The following OBI1 variants were observed in gnomAD, a reference collection of about 807,000 sequenced individuals.
The protein encoded by OBI1 is ORC ubiquitin ligase 1, also known as ring finger protein 219.
Under a neutral mutation model 62.4 loss-of-function variants are expected in OBI1, and 59 were observed. The ratio of observed to expected loss-of-function variants is 0.95; its 90% CI spans 0.77 to 1.17. OBI1 has a LOEUF of 1.17. Ranked by LOEUF, OBI1 falls within the 50% of genes most tolerant of loss-of-function variation. OBI1 has a pLI of 0.00. For missense variants in OBI1, 875 were observed against 830.9 expected (o/e 1.05, Z -0.65); for synonymous variants, 302 against 292.8 (o/e 1.03, Z -0.32).
intron 1 of OBI1, among the ~76,000 whole-genome samples, chr13:78,658,771 G>C (rs1054183744): frequency 6.6e-6 from 1 of 152,328 alleles, no homozygotes; most frequent in Non-Finnish European, 1.5e-5. Flanking sequence ...TGTCTTGCCA[G>C]TGTGAGGCCG....
intron 4 of OBI1, among the ~76,000 whole-genome samples, chr13:78,638,170 T>C (rs1876084946): frequency 6.6e-6 from 1 of 152,160 alleles, no homozygotes; most frequent in Admixed American, 6.5e-5. Flanking sequence ...CTGTAACATC[T>C]AGTGCTGATG....
At chr13:78,626,841 C>A (rs532934194) in intron 5 of OBI1, among the ~76,000 whole-genome samples, 2 of 152,100 alleles carry the variant, frequency 1.3e-5, no homozygotes, top group Non-Finnish European at 2.9e-5. Context: ...CCAAGGCAGG[C>A]GGATCATGAG....
chr13:78,653,934 T>C (rs1876620121), intron 1 of OBI1, among the ~76,000 whole-genome samples: 1 of 151,980 alleles, frequency 6.6e-6, no homozygotes, highest in Admixed American at 6.6e-5. Context: ...CATTAGGAAT[T>C]TGGAAACTTT....
intron 1 of OBI1, 34 bp downstream of exon 1, chr13:78,659,015 C>A: frequency 6.3e-7 from 1 of 1,598,968 alleles, no homozygotes. Context: ...TTATCCAACC[C>A]CGTTTTGTAG....
chr13:78,622,202 GGGA>G (rs1304994424), intron 5 of OBI1, among the ~76,000 whole-genome samples: 1 of 152,114 alleles, frequency 6.6e-6, no homozygotes, highest in African/African-American at 2.4e-5. Context: ...CCAATGCTTT[GGGA>G]GGTGAGGCAG....
intron 1 of OBI1, among the ~76,000 whole-genome samples, chr13:78,654,075 T>C (rs950538461): frequency 6.7e-5 from 10 of 148,220 alleles, no homozygotes; most frequent in South Asian, 4.4e-4. Flanking sequence ...ACTTAATGCC[T>C]ATAGAACTGG....
chr13:78,642,212 T>C lies in OBI1; in HGVS notation c.210A>G (p.Gly70=). ...TPENPCKEII[G]GTSESEPMLS... ...GCATAGGTTCACTTTCACTTGTTCC[T>C]CCTGTAGGGAAAAAAAAAAAAATCC... is the stretch of plus-strand genomic sequence containing the variant. Residue 70 remains glycine (G), a splice_region_variant and synonymous_variant, in exon 3 of 6, where the codon GGA becomes GGG. Coordinates refer to ENST00000282003, the MANE Select transcript of OBI1 (RefSeq NM_024546.4). The C allele has an allele frequency of 1.3e-6, 2 of 1,565,754 alleles. No homozygotes were observed. Among genetic ancestry groups the C allele is most frequent in the Non-Finnish European group, 8.7e-7 (1 of 1,147,610 alleles).
At chr13:78,654,296 C>A (rs1349872516) in intron 1 of OBI1, among the ~76,000 whole-genome samples, 1 of 152,120 alleles carries the variant, frequency 6.6e-6, no homozygotes, top group Non-Finnish European at 1.5e-5. Context: ...TATTGTTATA[C>A]TTTTCTGAAA....
chr13:78,657,690 A>G (rs1876753321), intron 1 of OBI1, among the ~76,000 whole-genome samples: 1 of 152,220 alleles, frequency 6.6e-6, no homozygotes, highest in African/African-American at 2.4e-5. Context: ...AACTATATAT[A>G]ATGTGTACAA....
chr13:78,635,142 C>A lies in OBI1; in HGVS notation c.606G>T (p.Leu202=). 1 of 1,610,918 alleles carries A rather than the reference C, an allele frequency of 6.2e-7. No homozygotes were observed. Among genetic ancestry groups the A allele is most frequent in the African/African-American group, 1.3e-5 (1 of 74,942 alleles). The stretch of plus-strand genomic sequence containing the variant: ...GTGATCTGTTATCAACTTCAGCCTT[C>A]AGTCGTAAATTCTCCCTCACCAGAC... The part of the protein sequence containing the change: ...NGGLVRENLR[L]KAEVDNRSPQ... The change falls in exon 5 of 6, where the codon CTG becomes CTT. Residue 202 remains leucine (L), a synonymous_variant. Transcript: ENST00000282003.
At chr13:78,620,954 A>G (rs1875491245) in intron 5 of OBI1, among the ~76,000 whole-genome samples, 1 of 152,224 alleles carries the variant, frequency 6.6e-6, no homozygotes, top group South Asian at 2.1e-4. Flanking sequence ...CAAAATGGGT[A>G]AATGCAGCAA....
At chr13:78,643,922 C>T (rs1876301942) in intron 2 of OBI1, among the ~76,000 whole-genome samples, 1 of 152,100 alleles carries the variant, frequency 6.6e-6, no homozygotes, top group African/African-American at 2.4e-5. Flanking sequence ...ATAGCAAAAA[C>T]AAGTAGAAAT....
chr13:78,620,911 C>T (rs77292317), intron 5 of OBI1, among the ~76,000 whole-genome samples: 2,048 of 152,342 alleles, frequency 0.013, 32 homozygotes, highest in African/African-American at 0.046. Flanking sequence ...GAGCAATTCA[C>T]TTTGCCTTTC....
At chr13:78,647,738 T>G (rs1217180481) in intron 1 of OBI1, among the ~76,000 whole-genome samples, 2 of 152,196 alleles carry the variant, frequency 1.3e-5, no homozygotes, top group Non-Finnish European at 2.9e-5. Flanking sequence ...CAGTCTCTCG[T>G]CCTACCTGAT....
Position 78,616,808 on chromosome 13 carries a change from C to T in OBI1, c.953G>A (p.Ser318Asn). ...TGCAGAACTGGTGTCACACAGTCTG[C>T]TGCTGGAAGGCTTCGCTAGGTGAGA... ...SSSHLAKPSS[S>N]RLCDTSSARQ... Residue 318 changes from serine to asparagine, a missense_variant, in exon 6 of 6, where the codon AGC becomes AAC. By Grantham distance (46) the Ser-to-Asn change is conservative. Transcript: ENST00000282003. The T allele has an allele frequency of 6.2e-7, 1 of 1,614,198 alleles. No homozygotes were observed. Among genetic ancestry groups the T allele is most frequent in the Non-Finnish European group, 8.5e-7 (1 of 1,180,030 alleles).
At chr13:78,627,309 T>TAAAA (rs60775623) in intron 5 of OBI1, among the ~76,000 whole-genome samples, 5 of 117,868 alleles carry the variant, frequency 4.2e-5, no homozygotes, top group Admixed American at 2.6e-4. Context: ...TTATTTATTC[T>TAAAA]AAAAAAAAAA....
chr13:78,616,998 C>A lies in OBI1; in HGVS notation c.763G>T (p.Ala255Ser). The change falls in exon 6 of 6, where the codon GCA becomes TCA. Residue 255 changes from alanine (A) to serine (S), a missense_variant. Ala to Ser is a moderately conservative substitution (Grantham distance 99). Transcript: ENST00000282003. ...TCTTCACTTGAATTTTTTAGCTGTG[C>A]AACTTGAGATTCTAGTTCCTCTATA... ...KYIEELESQV[A>S]QLKNSSEEKE... 1 of 1,614,158 alleles carries A rather than the reference C, an allele frequency of 6.2e-7. No homozygotes were observed. The highest frequency in any genetic ancestry group is 8.5e-7 in the Non-Finnish European group (1 of 1,180,014).
In OBI1 at chr13:78,616,578, G is replaced by T; in HGVS notation, c.1183C>A (p.Leu395Ile). The change falls in exon 6 of 6, where the codon CTT (leucine) becomes ATT (isoleucine). Residue 395 changes from leucine to isoleucine, a missense_variant. Physicochemically the swap from Leu to Ile is conservative, Grantham distance 5. Transcript: ENST00000282003. ...DLPAPCTPLS[L>I]SCLQLSTPEN... ...GGAGTACTGAGCTGAAGGCAACTAAGGGACAAAGGAGTACAAGGAGCTGGA... is the reference window on the plus strand; with the variant it reads ...GGAGTACTGAGCTGAAGGCAACTAATGGACAAAGGAGTACAAGGAGCTGGA... 1 of 1,614,094 alleles carries T rather than the reference G, an allele frequency of 6.2e-7. No individual in the cohort carries two copies. The highest frequency in any genetic ancestry group is 2.2e-5 in the East Asian group (1 of 44,870).
intron 5 of OBI1, among the ~76,000 whole-genome samples, chr13:78,623,267 A>T (rs1566276640): frequency 4.1e-5 from 5 of 120,636 alleles, no homozygotes; most frequent in Admixed American, 2.3e-4. Flanking sequence ...GAAAGAGAAC[A>T]TTTAAAAAAA....
Sources: gnomAD v4.1 joint callset for allele counts (sites outside exome capture counted in the v4.1 genomes callset) on GRCh38, gnomAD v4.1.1 for gene constraint, MANE v1.5 for transcripts, NCBI Gene and HGNC (gene_info 2026-07-23, HGNC 2026-07-21) for gene names.